CNTNAP2: variants seen among roughly 807,000 people sequenced by gnomAD.
CNTNAP2 encodes contactin-associated protein-like 2.
A neutral mutation model predicts 155.2 loss-of-function variants in CNTNAP2; 98 were observed. The ratio of observed to expected loss-of-function variants is 0.63; its 90% CI spans 0.54 to 0.75. The LOEUF (loss-of-function observed/expected upper bound fraction) is 0.75. Among genes scored for constraint, CNTNAP2 ranks in the 30% least tolerant of loss-of-function variants. The pLI, the probability that CNTNAP2 is intolerant of heterozygous loss-of-function variation, is 0.00. For missense variants in CNTNAP2, 1,727 were observed against 1,688.1 expected, an observed-to-expected ratio of 1.02 and a Z score of -0.40; for synonymous variants, 651 against 631.2, an observed-to-expected ratio of 1.03 and a Z score of -0.47.
At chr7:147,038,948 G>C (rs557967770) in intron 3 of CNTNAP2, among the ~76,000 whole-genome samples, 68 of 152,100 alleles carry the variant, frequency 4.5e-4, no homozygotes, top group African/African-American at 1.6e-3. Flanking sequence ...TCCTCATTCT[G>C]TCCTTGACCT....
intron 22 of CNTNAP2, among the ~76,000 whole-genome samples, chr7:148,385,265 C>T (rs1799165391): frequency 6.6e-6 from 1 of 152,156 alleles, no homozygotes; most frequent in Admixed American, 6.5e-5. Flanking sequence ...GAACTTGACG[C>T]GGGGCGCTGT....
At chr7:147,048,144 G>A (rs562384741) in intron 4 of CNTNAP2, among the ~76,000 whole-genome samples, 6 of 147,056 alleles carry the variant, frequency 4.1e-5, no homozygotes, top group East Asian at 4.0e-4. Flanking sequence ...GCGTGATCTC[G>A]GCTCACTGCA....
At chr7:146,354,648 T>C (rs1396986169) in intron 1 of CNTNAP2, among the ~76,000 whole-genome samples, 1 of 151,964 alleles carries the variant, frequency 6.6e-6, no homozygotes, top group East Asian at 1.9e-4. Context: ...TTCCTGGCCT[T>C]AGGTGATCCA....
intron 1 of CNTNAP2, among the ~76,000 whole-genome samples, chr7:146,144,903 G>A (rs139847215): frequency 0.011 from 1,695 of 152,200 alleles, 18 homozygotes; most frequent in Non-Finnish European, 0.017. Context: ...TGAATGGAAG[G>A]GCTTAGGTAT....
intron 13 of CNTNAP2, among the ~76,000 whole-genome samples, chr7:147,657,307 G>A (rs527919245): frequency 6.6e-6 from 1 of 152,070 alleles, no homozygotes; most frequent in South Asian, 2.1e-4. Flanking sequence ...GACAGAGGCA[G>A]AAAAAAATAA....
intron 21 of CNTNAP2, among the ~76,000 whole-genome samples, chr7:148,273,508 C>A (rs920125507): frequency 6.6e-6 from 1 of 152,138 alleles, no homozygotes; most frequent in African/African-American, 2.4e-5. Flanking sequence ...TTTAATTAAT[C>A]GTTTTTCAAA....
chr7:147,723,932 G>C (rs550712696), intron 13 of CNTNAP2, among the ~76,000 whole-genome samples: 2 of 151,912 alleles, frequency 1.3e-5, no homozygotes, highest in South Asian at 2.1e-4. Flanking sequence ...TAGTTTCAAG[G>C]CTTCTGCCAC....
chr7:148,286,552 T>C (rs749214264), intron 21 of CNTNAP2, among the ~76,000 whole-genome samples: 1 of 152,204 alleles, frequency 6.6e-6, no homozygotes, highest in Non-Finnish European at 1.5e-5. Context: ...TAAGTTTTAG[T>C]AGATTTTCTT....
intron 1 of CNTNAP2, among the ~76,000 whole-genome samples, chr7:146,183,264 C>G (rs745483982): frequency 6.6e-6 from 1 of 152,104 alleles, no homozygotes; most frequent in Non-Finnish European, 1.5e-5. Context: ...CAATTGGTGT[C>G]TGGGATTCTA....
intron 13 of CNTNAP2, among the ~76,000 whole-genome samples, chr7:147,721,223 G>T (rs1190319311): frequency 6.6e-6 from 1 of 151,936 alleles, no homozygotes; most frequent in Non-Finnish European, 1.5e-5. Flanking sequence ...TTTGGGGTTT[G>T]GGCTTGGGTT....
At chr7:147,007,488 G>GA (rs1405665612) in intron 3 of CNTNAP2, among the ~76,000 whole-genome samples, 1 of 151,782 alleles carries the variant, frequency 6.6e-6, no homozygotes, top group African/African-American at 2.4e-5. Flanking sequence ...TAAAAAATAA[G>GA]AAAAAAGCCA....
intron 1 of CNTNAP2, among the ~76,000 whole-genome samples, chr7:146,235,173 A>G (rs185643317): frequency 2.4e-3 from 229 of 94,870 alleles, no homozygotes; most frequent in African/African-American, 7.4e-3. Flanking sequence ...AAGGGGCAGG[A>G]AGAACAAAAT....
At chr7:147,484,879 T>C (rs904356475) in intron 10 of CNTNAP2, among the ~76,000 whole-genome samples, 2 of 152,226 alleles carry the variant, frequency 1.3e-5, no homozygotes, top group Non-Finnish European at 2.9e-5. Context: ...TTTCCTGTTT[T>C]TGAGAGTTCC....
chr7:147,851,399 T>C (rs963050339), intron 13 of CNTNAP2, among the ~76,000 whole-genome samples: 1 of 152,186 alleles, frequency 6.6e-6, no homozygotes, highest in African/African-American at 2.4e-5. Flanking sequence ...AAATACCATT[T>C]GACCCAGCCA....
intron 10 of CNTNAP2, among the ~76,000 whole-genome samples, chr7:147,468,822 T>C (rs923139406): frequency 1.2e-5 from 1 of 84,704 alleles, no homozygotes; most frequent in Non-Finnish European, 2.2e-5. Flanking sequence ...TTATTTTCTT[T>C]TTTCTTCTTC....
intron 4 of CNTNAP2, among the ~76,000 whole-genome samples, chr7:147,067,696 A>G (rs73467102): frequency 1.6e-3 from 244 of 152,286 alleles, no homozygotes; most frequent in African/African-American, 5.7e-3. Flanking sequence ...TTGAGCTTCA[A>G]CTTCTTTATC....
intron 3 of CNTNAP2, among the ~76,000 whole-genome samples, chr7:146,904,470 CTTTG>C (rs370373672): frequency 1.8e-3 from 279 of 152,112 alleles, no homozygotes; most frequent in African/African-American, 5.8e-3. Flanking sequence ...GAGAATTCAT[CTTTG>C]TTTGTTTGTT....
chr7:147,662,466 G>A (rs1795627714), intron 13 of CNTNAP2, among the ~76,000 whole-genome samples: 2 of 152,172 alleles, frequency 1.3e-5, no homozygotes, highest in Non-Finnish European at 2.9e-5. Flanking sequence ...AACTACTTGG[G>A]AAATGTAGCT....
At chr7:147,230,326 C>T (rs1314721266) in intron 8 of CNTNAP2, among the ~76,000 whole-genome samples, 1 of 152,022 alleles carries the variant, frequency 6.6e-6, no homozygotes, top group Non-Finnish European at 1.5e-5. Context: ...GGTGCGATCT[C>T]AGCTCACTGC....
Sources: gnomAD v4.1 joint callset for allele counts (sites outside exome capture counted in the v4.1 genomes callset) on GRCh38, gnomAD v4.1.1 for gene constraint, MANE v1.5 for transcripts, NCBI Gene and HGNC (gene_info 2026-07-23, HGNC 2026-07-21) for gene names.